FAM170A: variants seen among roughly 807,000 people sequenced by gnomAD.
FAM170A encodes family with sequence similarity 170 member A, also known as protein FAM170A.
FAM170A carries 28 observed loss-of-function variants against 36.6 expected under a neutral mutation model. The observed-to-expected ratio is 0.76, with a 90% CI of 0.57 to 1.05. The LOEUF is 1.05. Ranked by LOEUF, FAM170A falls within the 50% of genes least tolerant of loss-of-function variation. The pLI is 0.00. For missense variants in FAM170A, 434 were observed against 396.5 expected (o/e 1.09, Z -0.80); for synonymous variants, 156 against 143.9 (o/e 1.08, Z -0.60).
exon 3 of FAM170A, chr5:119,634,614 A>T: frequency 6.2e-7 from 1 of 1,612,822 alleles, no homozygotes; most frequent in Non-Finnish European, 8.5e-7. Context: ...AATGAGAAGG[A>T]GGAGGAAGAG....
rs1241968752 is a variant in FAM170A, at chr5:119,635,096, G to A, written c.*52+10G>A. 6.3e-7 allele frequency: 1 copy of A among 1,581,438 alleles called. No homozygotes were observed. The highest frequency in any genetic ancestry group is 8.7e-7 in the Non-Finnish European group (1 of 1,150,578). On this transcript the variant is annotated intron_variant, in intron 4 of 4. Transcript: ENST00000613773. ...CCTTCTCTTGCAAGAGGTAAGGAGT[G>A]AGACTTGCAGTTTTCTGAGGCTGTG... is the stretch of plus-strand genomic sequence containing the variant.
Position 119,632,855 on chromosome 5 carries a change from T to C in FAM170A, c.178T>C (p.Cys60Arg), listed in dbSNP as rs1166960985. The stretch of plus-strand genomic sequence containing the variant: ...TACTTCTACCTCCGAATACTGCTCC[T>C]GCGTTTCTTCTTCACGCAAGCTCAT... The change falls in exon 2 of 5, where the codon TGC becomes CGC. Residue 60 changes from cysteine to arginine, a missense_variant. Coordinates refer to ENST00000613773, the Ensembl canonical transcript of FAM170A. The C allele has an allele frequency of 1.2e-6, 2 of 1,611,966 alleles. No individual in the cohort carries two copies. The highest frequency in any genetic ancestry group is 1.7e-4 in the Middle Eastern group (1 of 6,058).
rs200846075 is a variant in FAM170A at position 119,634,554 on chromosome 5, G to T, written c.806G>T (p.Gly269Val). 524 of 1,613,282 alleles carry T rather than the reference G, an allele frequency of 3.2e-4. 1 individual carries two copies. The Middle Eastern group carries it at 5.9e-3, about 18-fold the overall frequency. ...CATCTCACCATGGCTCAGCTGACAGGCAACATGGAATCAGAGAGCACCCAA... is the reference window on the plus strand; with the variant it reads ...CATCTCACCATGGCTCAGCTGACAGTCAACATGGAATCAGAGAGCACCCAA... The change falls in exon 3 of 5, where the codon GGC (glycine) becomes GTC (valine). Residue 269 changes from glycine to valine, a missense_variant. By Grantham distance (109) the Gly-to-Val change is moderately radical (BLOSUM62 -3). Coordinates refer to ENST00000613773, the Ensembl canonical transcript of FAM170A.
Position 119,634,463 on chromosome 5 carries a change from A to G in FAM170A, c.715A>G (p.Thr239Ala), listed in dbSNP as rs200007738. ...CATGGCCTGCTGCCGGGTGTTCACC[A>G]CCATGGAAGCCCTCCAGGAGCATGT... The change falls in exon 3 of 5, where the codon ACC becomes GCC. Residue 239 changes from threonine to alanine, a missense_variant. By Grantham distance (58) the Thr-to-Ala change is moderately conservative. Transcript: ENST00000613773. The G allele has an allele frequency of 3.7e-5, 59 of 1,614,196 alleles. No individual in the cohort carries two copies. In the East Asian group the frequency reaches 1.3e-3, roughly 35 times the overall value.
rs943768214 is a variant in FAM170A, at chr5:119,632,869, A to G, written c.192A>G (p.Ser64=). The G allele has an allele frequency of 1.9e-6, 3 of 1,609,374 alleles. No homozygotes were observed. The African/African-American group carries it at 4.0e-5, about 21-fold the overall frequency. Reference sequence around the variant, plus strand: ...AATACTGCTCCTGCGTTTCTTCTTCACGCAAGCTCATCCACAGTGGTAAGG... The same window carrying G: ...AATACTGCTCCTGCGTTTCTTCTTCGCGCAAGCTCATCCACAGTGGTAAGG... The change falls in exon 2 of 5, where the codon TCA becomes TCG. Residue 64 remains serine, a synonymous_variant. Transcript: ENST00000613773.
chr5:119,635,240 A>G (rs988465), intron 4 of FAM170A, among the ~76,000 whole-genome samples, 154 bp downstream of exon 4: 35,561 of 152,222 alleles, frequency 0.23, 4,587 homozygotes, highest in Non-Finnish European at 0.29. Context: ...ATTGTCCTCC[A>G]TTTGCTTAGA....
chr5:119,634,567 A>G (rs781680149), exon 3 of FAM170A: 1 of 1,613,594 alleles, frequency 6.2e-7, no homozygotes, highest in East Asian at 2.2e-5. Flanking sequence ...ACATGGAATC[A>G]GAGAGCACCC....
exon 4 of FAM170A, chr5:119,635,071 C>G (rs992594581): frequency 1.2e-6 from 2 of 1,612,620 alleles, no homozygotes; most frequent in African/African-American, 2.7e-5. Context: ...GATGGTGTGG[C>G]CTTCTCTTGC....
At chr5:119,634,928 A>C (rs1756347022) in intron 3 of FAM170A, 100 bp from the exon 4 acceptor site, 2 of 1,476,558 alleles carry the variant, frequency 1.4e-6, no homozygotes, top group Non-Finnish European at 1.9e-6. Context: ...ATTGTAAGTC[A>C]GGATTTGTCT....
intron 2 of FAM170A, 78 bp downstream of exon 2, chr5:119,632,966 G>T (rs1756288167): frequency 6.9e-7 from 1 of 1,445,232 alleles, no homozygotes; most frequent in Non-Finnish European, 9.3e-7. Context: ...TGAGTGTGGG[G>T]CTCTGTGGGC....
chr5:119,632,895 G>T lies in FAM170A; in HGVS notation c.211+7G>T. The T allele has an allele frequency of 1.3e-6, 2 of 1,577,862 alleles. No homozygotes were observed. On this transcript the variant is annotated splice_region_variant and intron_variant, in intron 2 of 4. Coordinates refer to ENST00000613773, the Ensembl canonical transcript of FAM170A. Reference sequence around the variant, plus strand: ...CGCAAGCTCATCCACAGTGGTAAGGGTGCAGGGTTCCTTCGGCACGTGGCT... The same window carrying T: ...CGCAAGCTCATCCACAGTGGTAAGGTTGCAGGGTTCCTTCGGCACGTGGCT...
At chr5:119,634,162 T>G in exon 3 of FAM170A, 1 of 1,613,840 alleles carries the variant, frequency 6.2e-7, no homozygotes, top group East Asian at 2.2e-5. Flanking sequence ...TGAACAAAGG[T>G]GTGGCTGTCT....
At chr5:119,635,168 C>T in intron 4 of FAM170A, 82 bp downstream of exon 4, 1 of 940,362 alleles carries the variant, frequency 1.1e-6, no homozygotes, top group Non-Finnish European at 1.7e-6. Context: ...CAGGGATGCA[C>T]TGGGTCACCT....
exon 5 of FAM170A, chr5:119,635,713 CCATGGAGATAGTAGCAGA>C (rs771791856): frequency 1.3e-5 from 2 of 154,496 alleles, no homozygotes; most frequent in Non-Finnish European, 2.9e-5. Flanking sequence ...GAAGAAAGAG[CCATGGAGATAGTAGCAGA>C]CAGGCTGCCC....
Position 119,634,749 on chromosome 5 carries a change from G to T in FAM170A, c.986+15G>T, listed in dbSNP as rs1756343382. The stretch of plus-strand genomic sequence containing the variant: ...AAGGACAGGAAGTGAGCAAAGCCTG[G>T]GTTGTGGGTCTGCTGAGGGAGCAAT... On this transcript the variant is annotated intron_variant, in intron 3 of 4. Coordinates refer to ENST00000613773, the Ensembl canonical transcript of FAM170A. 1 of 1,525,878 alleles carries T rather than the reference G, an allele frequency of 6.6e-7. No individual in the cohort carries two copies. Among genetic ancestry groups the T allele is most frequent in the Non-Finnish European group, 8.8e-7 (1 of 1,139,284 alleles). 94.5% of individuals were successfully genotyped at this position (1,525,878 alleles called of 1,614,324 possible).
At chr5:119,632,038 C>A (rs1019110572) in intron 1 of FAM170A, among the ~76,000 whole-genome samples, 2 of 152,130 alleles carry the variant, frequency 1.3e-5, no homozygotes, top group African/African-American at 4.8e-5. Context: ...ATAAGTATGA[C>A]AAATATTGCA....
rs147482444 is a variant in FAM170A, at chr5:119,635,311, C to T, written c.*52+225C>T. Among the ~76,000 whole-genome samples the T allele has an allele frequency of 2.6e-4, 40 of 152,290 alleles. No individual in the cohort carries two copies. In the East Asian group the frequency reaches 6.7e-3, roughly 26 times the overall value. On this transcript the variant is annotated intron_variant, in intron 4 of 4. Transcript: ENST00000613773. ...AATGTCTGCATGATTGTCCTCAATT[C>T]TAAGAGGAGGTGCTGCAGCTCTTCT...
chr5:119,634,287 A>T, exon 3 of FAM170A: 2 of 1,614,080 alleles, frequency 1.2e-6, no homozygotes, highest in Non-Finnish European at 1.7e-6. Flanking sequence ...TCCACCAGAA[A>T]CCTCCTGTCT....
At chr5:119,630,142 C>T (rs112510269) in intron 1 of FAM170A, among the ~76,000 whole-genome samples, 6,346 of 116,090 alleles carry the variant, frequency 0.055, 592 homozygotes, top group African/African-American at 0.21. Context: ...CCGCCTGCCT[C>T]GGCCTCCTTT....
Sources: allele counts gnomAD v4.1 joint callset (sites outside exome capture counted in the v4.1 genomes callset), GRCh38; gene constraint gnomAD v4.1.1; transcripts MANE v1.5; gene names NCBI Gene and HGNC (gene_info 2026-07-23, HGNC 2026-07-21).